The following SFMBT2 variants were observed in gnomAD, a reference collection of about 807,000 sequenced individuals.
SFMBT2 encodes scm-like with four MBT domains protein 2.
In SFMBT2, 38 loss-of-function variants were observed where a neutral mutation model predicts 110.1. That is an observed-to-expected ratio of 0.35 (90% CI 0.27 to 0.45). SFMBT2 has a LOEUF of 0.45. Among genes scored for constraint, SFMBT2 ranks in the 20% least tolerant of loss-of-function variants. The probability of loss-of-function intolerance (pLI) is 1.00; values close to 1 mark genes in which losing one functional copy is unlikely to be tolerated. For synonymous variants in SFMBT2, 425 were observed against 425.4 expected, an observed-to-expected ratio of 1.00 and a Z score of 0.01; for missense variants, 1,011 against 1,094.9, an observed-to-expected ratio of 0.92 and a Z score of 1.08.
At chr10:7,251,218 G>C (rs1305378557) in intron 7 of SFMBT2, among the ~76,000 whole-genome samples, 3 of 151,678 alleles carry the variant, frequency 2.0e-5, no homozygotes, top group Non-Finnish European at 4.4e-5. Flanking sequence ...GCTCCTGCCT[G>C]TAATCCCAGC....
rs1050070972 is a variant in SFMBT2, at chr10:7,163,578, A to G, written c.*192T>C. The G allele has an allele frequency of 1.2e-5, 7 of 576,972 alleles. No homozygotes were observed. Among genetic ancestry groups the G allele is most frequent in the Non-Finnish European group, 1.8e-5 (6 of 328,292 alleles). The allele number at this position is 576,972 out of a possible 1,614,324, so 35.7% of individuals were successfully genotyped here. ...CTTTAACTGGCACTCCCCAGAAGCG[A>G]CTGCTGCTGTGCTTTGAAAACATGG... On this transcript the variant is annotated 3_prime_UTR_variant, in exon 21 of 21. Coordinates refer to ENST00000397167, the MANE Select transcript of SFMBT2 (RefSeq NM_001387889.1). The surrounding 1 kb of genome is among the most constrained non-coding windows in gnomAD (Gnocchi z 4.8).
At chr10:7,334,779 G>A (rs1843667074) in intron 4 of SFMBT2, among the ~76,000 whole-genome samples, 2 of 152,220 alleles carry the variant, frequency 1.3e-5, no homozygotes, top group South Asian at 4.1e-4. Flanking sequence ...GCTTTGGGCT[G>A]CCTTGCGGAA....
At chr10:7,273,095 C>A (rs576455363) in intron 7 of SFMBT2, among the ~76,000 whole-genome samples, 132 of 152,310 alleles carry the variant, frequency 8.7e-4, no homozygotes, top group African/African-American at 3.0e-3. Context: ...AACGCCCCAG[C>A]CAAAACCTCT....
At chr10:7,358,707 T>C (rs1281625522) in intron 4 of SFMBT2, among the ~76,000 whole-genome samples, 2 of 150,676 alleles carry the variant, frequency 1.3e-5, no homozygotes, top group Non-Finnish European at 3.0e-5. Flanking sequence ...ATGGTGGCTC[T>C]GGAATGAAGG....
chr10:7,388,343 A>ATGG, intron 1 of SFMBT2, among the ~76,000 whole-genome samples: 1 of 151,040 alleles, frequency 6.6e-6, no homozygotes, highest in Non-Finnish European at 1.5e-5. Flanking sequence ...GATGATGATG[A>ATGG]TGATGATGAT....
intron 4 of SFMBT2, among the ~76,000 whole-genome samples, chr10:7,355,254 T>C (rs1844467767): frequency 6.6e-6 from 1 of 152,124 alleles, no homozygotes; most frequent in Non-Finnish European, 1.5e-5. Context: ...CTAAAATTAA[T>C]AGGGAAATGC....
Position 7,172,764 on chromosome 10 carries a change from T to C in SFMBT2, c.1985-103A>G. Reference sequence around the variant, plus strand: ...GGGAAACGATTCTTTCATCTGATAGTTCATTTGTGCCTTACGAAGTCATTC... The same window carrying C: ...GGGAAACGATTCTTTCATCTGATAGCTCATTTGTGCCTTACGAAGTCATTC... On this transcript the variant is annotated intron_variant, in intron 17 of 20. Transcript: ENST00000397167. This position sits in a 1 kb window ranked among gnomAD's most constrained non-coding sequence, Gnocchi z 4.6. 1.5e-6 allele frequency: 2 copies of C among 1,356,548 alleles called. No homozygotes were observed. The highest frequency in any genetic ancestry group is 2.0e-6 in the Non-Finnish European group (2 of 998,396). The allele number at this position is 1,356,548 out of a possible 1,614,324, so 84.0% of individuals were successfully genotyped here.
intron 3 of SFMBT2, among the ~76,000 whole-genome samples, chr10:7,369,965 C>T (rs778559510): frequency 7.8e-4 from 119 of 152,092 alleles, no homozygotes; most frequent in Non-Finnish European, 1.3e-3. Flanking sequence ...GCTCAAGTGA[C>T]CCTCCCCACC....
chr10:7,279,270 G>C (rs1841874448), intron 6 of SFMBT2, among the ~76,000 whole-genome samples: 1 of 152,150 alleles, frequency 6.6e-6, no homozygotes, highest in South Asian at 2.1e-4. Context: ...GAACTCCTCT[G>C]TCCACTGGAT....
At chr10:7,221,459 G>A (rs945347094) in intron 10 of SFMBT2, among the ~76,000 whole-genome samples, 3 of 151,750 alleles carry the variant, frequency 2.0e-5, no homozygotes, top group Non-Finnish European at 4.4e-5. Flanking sequence ...CCGGCTACTC[G>A]GGAGGCTGAG....
At chr10:7,261,205 A>G (rs1841189037) in intron 7 of SFMBT2, among the ~76,000 whole-genome samples, 1 of 152,152 alleles carries the variant, frequency 6.6e-6, no homozygotes, top group Non-Finnish European at 1.5e-5. Context: ...TCACCAATTC[A>G]CTGCAACACT....
At chr10:7,337,876 T>C (rs74116924) in intron 4 of SFMBT2, among the ~76,000 whole-genome samples, 1,836 of 152,282 alleles carry the variant, frequency 0.012, 41 homozygotes, top group African/African-American at 0.042. Flanking sequence ...TCCAGTTCAA[T>C]TCAAATTAAT....
intron 9 of SFMBT2, among the ~76,000 whole-genome samples, chr10:7,228,681 T>G (rs190744918): frequency 1.3e-3 from 97 of 75,848 alleles, no homozygotes; most frequent in Non-Finnish European, 1.4e-3. Flanking sequence ...GCTTCTTTCT[T>G]TCTTTCTTTC....
chr10:7,220,826 C>CTTTCT (rs756388926), intron 10 of SFMBT2, among the ~76,000 whole-genome samples: 16,799 of 146,126 alleles, frequency 0.11, 1,142 homozygotes, highest in African/African-American at 0.19. Flanking sequence ...ACCCTTCCTT[C>CTTTCT]TTTTTTTTTT....
At chr10:7,302,373 A>G (rs1041023989) in intron 4 of SFMBT2, among the ~76,000 whole-genome samples, 2 of 152,226 alleles carry the variant, frequency 1.3e-5, no homozygotes, top group Non-Finnish European at 2.9e-5. Flanking sequence ...TTCAATAGCA[A>G]TGCTGTGGGG....
intron 7 of SFMBT2, among the ~76,000 whole-genome samples, chr10:7,261,398 TG>T (rs145753917): frequency 0.064 from 9,696 of 152,272 alleles, 405 homozygotes; most frequent in Admixed American, 0.089. Context: ...GGCCATGCCT[TG>T]GCTCCCTGTC....
At chr10:7,240,150 TC>T (rs1299904703) in intron 9 of SFMBT2, among the ~76,000 whole-genome samples, 1 of 152,152 alleles carries the variant, frequency 6.6e-6, no homozygotes. Context: ...TATGCCACAT[TC>T]CCCACCTCTG....
chr10:7,237,257 A>G (rs986030398), intron 9 of SFMBT2, among the ~76,000 whole-genome samples: 1 of 152,202 alleles, frequency 6.6e-6, no homozygotes, highest in Non-Finnish European at 1.5e-5. Context: ...TGCAATAGGG[A>G]AACCTGGAAA....
At chr10:7,206,770 G>C (rs1396018845) in intron 11 of SFMBT2, 3 of 779,494 alleles carry the variant, frequency 3.8e-6, no homozygotes, top group Non-Finnish European at 3.1e-6. Flanking sequence ...AATAAATTTG[G>C]AACTAGTTAA....
Sources: gnomAD v4.1 joint callset for allele counts (sites outside exome capture counted in the v4.1 genomes callset) on GRCh38, gnomAD v4.1.1 for gene constraint, Gnocchi (gnomAD v3.1) non-coding constraint, MANE v1.5 for transcripts, NCBI Gene and HGNC (gene_info 2026-07-23, HGNC 2026-07-21) for gene names.